Variants in PEAK1 observed in about 807,000 individuals in gnomAD.
The protein encoded by PEAK1 is inactive tyrosine-protein kinase PEAK1.
PEAK1 carries 54 observed loss-of-function variants against 124.7 expected under a neutral mutation model. That is an observed-to-expected ratio of 0.43 (90% CI 0.35 to 0.54). The LOEUF is 0.54. PEAK1 is among the 20% of genes least tolerant of loss of function. The pLI, the probability that PEAK1 is intolerant of heterozygous loss-of-function variation, is 0.01. For missense variants in PEAK1, 2,046 were observed against 2,134.5 expected, an observed-to-expected ratio of 0.96 and a Z score of 0.82; for synonymous variants, 719 against 760.0, an observed-to-expected ratio of 0.95 and a Z score of 0.89.
intron 2 of PEAK1, among the ~76,000 whole-genome samples, chr15:77,305,583 T>C (rs2064054362): frequency 6.6e-6 from 1 of 152,170 alleles, no homozygotes; most frequent in African/African-American, 2.4e-5. Flanking sequence ...TGGAGTTTTT[T>C]GGAAATTAAT....
At chr15:77,143,940 A>G (rs1403122572) in intron 8 of PEAK1, among the ~76,000 whole-genome samples, 5 of 152,258 alleles carry the variant, frequency 3.3e-5, no homozygotes, top group Admixed American at 6.5e-5. Context: ...TACCTATTCC[A>G]GTGTGGGCCC....
chr15:77,345,245 GA>G (rs1467382137), intron 2 of PEAK1, among the ~76,000 whole-genome samples: 1 of 152,232 alleles, frequency 6.6e-6, no homozygotes. Flanking sequence ...TTTTTATCGT[GA>G]AAGGGTGTTA....
intron 1 of PEAK1, among the ~76,000 whole-genome samples, chr15:77,368,378 CG>C (rs977147861): frequency 6.6e-6 from 1 of 151,862 alleles, no homozygotes; most frequent in African/African-American, 2.4e-5. Flanking sequence ...ATTAGCAGGG[CG>C]TGATGGCAGG....
At chr15:77,136,591 C>T (rs569244542) in intron 8 of PEAK1, among the ~76,000 whole-genome samples, 5 of 151,830 alleles carry the variant, frequency 3.3e-5, no homozygotes, top group Non-Finnish European at 5.9e-5. Flanking sequence ...GCTTGAACCT[C>T]GGAGGTGGAG....
chr15:77,148,687 T>G (rs927793686), intron 8 of PEAK1, among the ~76,000 whole-genome samples: 1 of 151,842 alleles, frequency 6.6e-6, no homozygotes, highest in African/African-American at 2.4e-5. Flanking sequence ...GAGGCCAAGG[T>G]TGGAGGACTG....
chr15:77,179,469 G>A lies in PEAK1; in HGVS notation c.2458C>T (p.Leu820Phe), dbSNP rs369022813. The A allele has an allele frequency of 2.5e-6, 4 of 1,614,158 alleles. No homozygotes were observed. Among genetic ancestry groups the A allele is most frequent in the East Asian group, 2.2e-5 (1 of 44,880 alleles). Residue 820 changes from leucine (L) to phenylalanine (F), a missense_variant, in exon 7 of 10, where the codon CTC becomes TTC. Coordinates refer to ENST00000682557, the MANE Select transcript of PEAK1 (RefSeq NM_001385026.1). ...TCACCACTAGGCTGAGATGTAAAGA[G>A]AGATTTGGGCCGGACTGGCGTACTC... ...PKSTPVRPKS[L>F]FTSQPSGEAE...
At position 77,320,587 on chromosome 15, in the gene PEAK1, C is replaced by T. The variant is rs144886021; in HGVS notation, c.-602-34083G>A. Among the ~76,000 whole-genome samples the T allele has an allele frequency of 4.3e-3, 652 of 152,232 alleles. 1 individual carries two copies. The highest frequency in any genetic ancestry group is 0.013 in the African/African-American group (557 of 41,550). ...TTTTCGTATCTGGGAGTTAAATGAC[C>T]TTATCTAGAGCAGCTAACTGAGCCT... On this transcript the variant is annotated intron_variant, in intron 2 of 9. Transcript: ENST00000682557.
intron 2 of PEAK1, among the ~76,000 whole-genome samples, chr15:77,304,305 T>C (rs1404156464): frequency 5.3e-5 from 8 of 152,220 alleles, no homozygotes; most frequent in Admixed American, 5.2e-4. Context: ...TTTCAATCCA[T>C]GAACACAGAA....
intron 2 of PEAK1, among the ~76,000 whole-genome samples, chr15:77,309,134 GC>G (rs2064278032): frequency 6.6e-6 from 1 of 151,994 alleles, no homozygotes; most frequent in African/African-American, 2.4e-5. Flanking sequence ...CACCTGAGTG[GC>G]TAAAGATCAG....
At chr15:77,291,942 A>G (rs1011431550) in intron 2 of PEAK1, among the ~76,000 whole-genome samples, 1 of 149,024 alleles carries the variant, frequency 6.7e-6, no homozygotes, top group South Asian at 2.1e-4. Flanking sequence ...GTGCCACTGC[A>G]CTTCAGCCTG....
At chr15:77,349,359 A>G in intron 2 of PEAK1, 1 of 983,422 alleles carries the variant, frequency 1.0e-6, no homozygotes, top group Non-Finnish European at 1.2e-6. Flanking sequence ...ATTATTTTTT[A>G]AAGTCACACT....
intron 6 of PEAK1, among the ~76,000 whole-genome samples, chr15:77,199,130 A>G (rs1331058654): frequency 6.6e-6 from 1 of 152,192 alleles, no homozygotes; most frequent in Non-Finnish European, 1.5e-5. Flanking sequence ...TCTTGAAGAG[A>G]AATGATAAGC....
intron 2 of PEAK1, chr15:77,337,000 G>T: frequency 1.8e-6 from 1 of 543,362 alleles, no homozygotes; most frequent in Non-Finnish European, 2.3e-6. Flanking sequence ...CAAAGATATA[G>T]AAATATCCAA....
intron 2 of PEAK1, chr15:77,348,799 G>C (rs986639770): frequency 5.4e-6 from 5 of 920,006 alleles, no homozygotes; most frequent in East Asian, 2.4e-4. Context: ...TTGTTTTTGT[G>C]GGGGAGGGGG....
chr15:77,252,758 C>T (rs562654931), intron 5 of PEAK1, among the ~76,000 whole-genome samples: 2 of 152,184 alleles, frequency 1.3e-5, no homozygotes, highest in African/African-American at 2.4e-5. Context: ...GAAAGAGCAC[C>T]GATGCACTTG....
intron 8 of PEAK1, among the ~76,000 whole-genome samples, chr15:77,146,909 C>T (rs1489707292): frequency 6.6e-6 from 1 of 152,162 alleles, no homozygotes; most frequent in East Asian, 1.9e-4. Context: ...AAGGTAATGA[C>T]ATTCTTTTAA....
At chr15:77,157,059 G>A in intron 8 of PEAK1, 1 of 152,190 alleles carries the variant, frequency 6.6e-6, no homozygotes, top group Non-Finnish European at 1.5e-5. Context: ...CATATGGGTT[G>A]TTATGATTGT....
At chr15:77,389,495 A>G (rs1007544870) in intron 1 of PEAK1, among the ~76,000 whole-genome samples, 1 of 152,228 alleles carries the variant, frequency 6.6e-6, no homozygotes, top group Non-Finnish European at 1.5e-5. Context: ...AAGTCAAAGA[A>G]AAAGAAACGT....
At chr15:77,385,109 C>T (rs2069813969) in intron 1 of PEAK1, among the ~76,000 whole-genome samples, 1 of 152,080 alleles carries the variant, frequency 6.6e-6, no homozygotes, top group Non-Finnish European at 1.5e-5. Flanking sequence ...CTCAGGTGAA[C>T]CTAAAATCTT....
Sources: gnomAD v4.1 joint callset for allele counts (sites outside exome capture counted in the v4.1 genomes callset) on GRCh38, gnomAD v4.1.1 for gene constraint, MANE v1.5 for transcripts, NCBI Gene and HGNC (gene_info 2026-07-23, HGNC 2026-07-21) for gene names.